GXYLT1: variants seen among roughly 807,000 people sequenced by gnomAD.
GXYLT1 encodes glycosyltransferase 8 domain containing 3.
In GXYLT1, 29 loss-of-function variants were observed where a neutral mutation model predicts 54.0. The observed-to-expected ratio is 0.54, with a 90% CI of 0.40 to 0.73. GXYLT1 has a LOEUF of 0.73. GXYLT1 is among the 30% of genes least tolerant of loss of function. The probability of loss-of-function intolerance (pLI) is 0.00; values close to 1 mark genes in which losing one functional copy is unlikely to be tolerated. For synonymous variants in GXYLT1, 176 were observed against 204.1 expected (o/e 0.86, Z 1.17); for missense variants, 490 against 553.4 (o/e 0.89, Z 1.15).
intron 2 of GXYLT1, among the ~76,000 whole-genome samples, chr12:42,122,661 C>CT (rs980237030): frequency 1.3e-5 from 2 of 152,004 alleles, no homozygotes; most frequent in African/African-American, 4.8e-5. Flanking sequence ...GGGAACTCTT[C>CT]TTTTTTTAAA....
At chr12:42,129,124 C>G (rs1014241599) in intron 2 of GXYLT1, among the ~76,000 whole-genome samples, 5 of 152,148 alleles carry the variant, frequency 3.3e-5, no homozygotes, top group Non-Finnish European at 7.3e-5. Flanking sequence ...TTATCGTATT[C>G]TTATCAATAC....
At position 42,087,614 on chromosome 12, in the gene GXYLT1, TTTTAACTTA is replaced by T; in HGVS notation, c.*163_*171del. 2.2e-5 allele frequency: 12 copies of T among 538,818 alleles called. No homozygotes were observed. Among genetic ancestry groups the T allele is most frequent in the Non-Finnish European group, 3.9e-5 (12 of 309,934 alleles). 33.4% of individuals were successfully genotyped at this position (538,818 alleles called of 1,614,324 possible). On this transcript the variant is annotated 3_prime_UTR_variant, in exon 8 of 8. Coordinates refer to ENST00000398675, the MANE Select transcript of GXYLT1 (RefSeq NM_173601.2). The stretch of plus-strand genomic sequence containing the variant: ...AAATGTTCAATGTTGAGGCCCAAGA[TTTTAACTTA>T]TTCTTCATTACCTGAAAATACTGCT...
intron 1 of GXYLT1, among the ~76,000 whole-genome samples, chr12:42,139,235 A>G (rs1271491982): frequency 6.6e-6 from 1 of 151,946 alleles, no homozygotes; most frequent in Non-Finnish European, 1.5e-5. Context: ...TCAAAAGTAC[A>G]TATTATTTTT....
rs976264022 is a variant in GXYLT1 at position 42,144,721 on chromosome 12, G to A, written c.-75C>T. On this transcript the variant is annotated 5_prime_UTR_variant, in exon 1 of 8. Transcript: ENST00000398675. ...GAACTGGAGCGGAGGGAGGGGCACC[G>A]CGCAGCCGCGGGCGCAACAAGTTCC... 19 of 1,162,722 alleles carry A rather than the reference G, an allele frequency of 1.6e-5. No individual in the cohort carries two copies. The highest frequency in any genetic ancestry group is 1.1e-4 in the African/African-American group (7 of 61,344). The allele number at this position is 1,162,722 out of a possible 1,614,324, so 72.0% of individuals were successfully genotyped here.
At chr12:42,098,334 G>A (rs964934912) in intron 5 of GXYLT1, among the ~76,000 whole-genome samples, 2 of 152,108 alleles carry the variant, frequency 1.3e-5, no homozygotes, top group Non-Finnish European at 2.9e-5. Context: ...CTGGGCCTAC[G>A]TCAGAGTTGT....
At chr12:42,118,888 A>AG in intron 3 of GXYLT1, 112 bp downstream of exon 3, 1 of 755,838 alleles carries the variant, frequency 1.3e-6, no homozygotes, top group Non-Finnish European at 2.0e-6. Context: ...TAAATTACCA[A>AG]GTCTCAGGTA....
intron 5 of GXYLT1, among the ~76,000 whole-genome samples, chr12:42,105,185 T>A (rs1222342968): frequency 6.6e-6 from 1 of 152,224 alleles, no homozygotes; most frequent in Non-Finnish European, 1.5e-5. Flanking sequence ...AACTGGTAAA[T>A]ATTAGTACAT....
At chr12:42,144,304 G>C in intron 1 of GXYLT1, 122 bp downstream of exon 1, 1 of 563,878 alleles carries the variant, frequency 1.8e-6, no homozygotes. Flanking sequence ...TGAGTGAGGG[G>C]TCAGAGACAG....
intron 5 of GXYLT1, among the ~76,000 whole-genome samples, chr12:42,100,376 T>C (rs1253233229): frequency 1.3e-5 from 2 of 152,190 alleles, no homozygotes; most frequent in African/African-American, 4.8e-5. Flanking sequence ...ACTTAATATA[T>C]TTCTCTAGTA....
chr12:42,126,544 C>T (rs2065563502), intron 2 of GXYLT1, among the ~76,000 whole-genome samples: 1 of 152,180 alleles, frequency 6.6e-6, no homozygotes, highest in Non-Finnish European at 1.5e-5. Context: ...TTGCCATTGA[C>T]ATGAGAAATA....
Position 42,114,211 on chromosome 12 carries a change from T to A in GXYLT1, c.487-4520A>T, listed in dbSNP as rs927810604. On this transcript the variant is annotated intron_variant, in intron 3 of 7. Coordinates refer to ENST00000398675, the MANE Select transcript of GXYLT1 (RefSeq NM_173601.2). ...TAAAATTGACACCTTAACATCACAA[T>A]TAAAAGAGCTAGAAAAGCAAGAGCA... 4.4e-4 allele frequency among the ~76,000 whole-genome samples: 67 copies of A among 151,880 alleles called. 1 individual carries two copies. The highest frequency in any genetic ancestry group is 8.5e-4 in the Admixed American group (13 of 15,252).
chr12:42,114,744 A>G (rs975032151), intron 3 of GXYLT1, among the ~76,000 whole-genome samples: 3 of 152,214 alleles, frequency 2.0e-5, no homozygotes, highest in African/African-American at 7.2e-5. Context: ...TATTCCAATC[A>G]ATAGAAAAAG....
chr12:42,094,366 A>AC (rs1316573906), intron 7 of GXYLT1, among the ~76,000 whole-genome samples: 2 of 148,592 alleles, frequency 1.3e-5, no homozygotes, highest in Non-Finnish European at 3.0e-5. Context: ...AAAAAAAAAA[A>AC]AAAAGATGAG....
intron 1 of GXYLT1, among the ~76,000 whole-genome samples, chr12:42,137,432 C>A (rs1190588717): frequency 7.0e-6 from 1 of 143,376 alleles, no homozygotes; most frequent in African/African-American, 2.6e-5. Flanking sequence ...CGCTTGAACT[C>A]AGGAGGCAGA....
intron 4 of GXYLT1, among the ~76,000 whole-genome samples, chr12:42,107,885 A>G (rs2065430474): frequency 6.6e-6 from 1 of 152,190 alleles, no homozygotes; most frequent in African/African-American, 2.4e-5. Context: ...GGGAGCCACT[A>G]CCAGCTGGAA....
rs535313218 is a variant in GXYLT1, at chr12:42,113,395, G to T, written c.487-3704C>A. ...CTGTATTCAGGAAACCCATCTCACG[G>T]GCAGAGACACACATAGGCTCAAAAT... is the stretch of plus-strand genomic sequence containing the variant. On this transcript the variant is annotated intron_variant, in intron 3 of 7. Coordinates refer to ENST00000398675, the MANE Select transcript of GXYLT1 (RefSeq NM_173601.2). Among the ~76,000 whole-genome samples the T allele has an allele frequency of 9.8e-4, 148 of 150,804 alleles. 1 individual carries two copies. In the South Asian group the frequency reaches 0.012, roughly 13 times the overall value.
At chr12:42,132,316 G>A (rs61940177) in intron 1 of GXYLT1, among the ~76,000 whole-genome samples, 1 of 152,162 alleles carries the variant, frequency 6.6e-6, no homozygotes, top group Non-Finnish European at 1.5e-5. Context: ...GAAACATTGT[G>A]TATCAAGGAA....
chr12:42,140,396 GA>G (rs946061565), intron 1 of GXYLT1, among the ~76,000 whole-genome samples: 12 of 148,064 alleles, frequency 8.1e-5, no homozygotes, highest in African/African-American at 2.5e-4. Context: ...GAAATTGGAA[GA>G]AAAAAAAAAT....
At chr12:42,130,897 T>C (rs1262391472) in intron 1 of GXYLT1, among the ~76,000 whole-genome samples, 1 of 152,126 alleles carries the variant, frequency 6.6e-6, no homozygotes, top group Non-Finnish European at 1.5e-5. Flanking sequence ...CAATAAGCTG[T>C]GACTGTGCTA....
Sources: allele counts gnomAD v4.1 joint callset (sites outside exome capture counted in the v4.1 genomes callset), GRCh38; gene constraint gnomAD v4.1.1; transcripts MANE v1.5; gene names NCBI Gene and HGNC (gene_info 2026-07-23, HGNC 2026-07-21).